The following AGBL4 variants were observed in gnomAD, a reference collection of about 807,000 sequenced individuals.
The protein encoded by AGBL4 is AGBL carboxypeptidase 4, also known as cytosolic carboxypeptidase 6.
Under a neutral mutation model 66.4 loss-of-function variants are expected in AGBL4, and 58 were observed. The ratio of observed to expected loss-of-function variants is 0.87; its 90% CI spans 0.71 to 1.09. The LOEUF (loss-of-function observed/expected upper bound fraction) is 1.09. Among genes scored for constraint, AGBL4 ranks in the 50% least tolerant of loss-of-function variants. The pLI, the probability that AGBL4 is intolerant of heterozygous loss-of-function variation, is 0.00. For missense variants in AGBL4, 579 were observed against 631.0 expected (o/e 0.92, Z 0.88); for synonymous variants, 234 against 222.9 (o/e 1.05, Z -0.44).
intron 1 of AGBL4, among the ~76,000 whole-genome samples, chr1:50,006,359 T>TAG (rs902328565): frequency 2.2e-5 from 3 of 135,694 alleles, no homozygotes; most frequent in African/African-American, 8.3e-5. Flanking sequence ...AAAAAGGAGG[T>TAG]AGAGAGAGAG....
At chr1:49,369,573 A>G (rs1287587229) in intron 3 of AGBL4, among the ~76,000 whole-genome samples, 1 of 152,182 alleles carries the variant, frequency 6.6e-6, no homozygotes, top group Admixed American at 6.5e-5. Context: ...AGGTGAATCA[A>G]GTGGATTTGG....
At chr1:48,763,349 T>C (rs1381656357) in intron 6 of AGBL4, among the ~76,000 whole-genome samples, 1 of 152,158 alleles carries the variant, frequency 6.6e-6, no homozygotes, top group Non-Finnish European at 1.5e-5. Context: ...GACTCAGGGT[T>C]TTCTAAAAGA....
intron 5 of AGBL4, among the ~76,000 whole-genome samples, chr1:48,946,283 G>T (rs959699870): frequency 3.3e-5 from 5 of 152,190 alleles, no homozygotes; most frequent in African/African-American, 1.2e-4. Context: ...TACAGGGGCT[G>T]CCCTATGACC....
intron 4 of AGBL4, among the ~76,000 whole-genome samples, chr1:49,238,813 G>C (rs1383954576): frequency 6.6e-6 from 1 of 152,058 alleles, no homozygotes; most frequent in Non-Finnish European, 1.5e-5. Context: ...TTATTTGTCT[G>C]TACCTGTGGC....
chr1:49,618,509 C>T (rs1645294586), intron 3 of AGBL4, among the ~76,000 whole-genome samples: 1 of 152,086 alleles, frequency 6.6e-6, no homozygotes, highest in Non-Finnish European at 1.5e-5. Flanking sequence ...CAGGACCAGA[C>T]AGATTCACAG....
At chr1:48,851,513 G>T (rs17104994) in intron 6 of AGBL4, among the ~76,000 whole-genome samples, 4,827 of 152,242 alleles carry the variant, frequency 0.032, 266 homozygotes, top group African/African-American at 0.11. Context: ...CCTATGCACC[G>T]TCTAAGGCTG....
At chr1:49,846,188 C>T in intron 2 of AGBL4, 1 of 1,457,252 alleles carries the variant, frequency 6.9e-7, no homozygotes, top group South Asian at 1.1e-5. Context: ...ATCCTTCAAC[C>T]ACAGCTCCTC....
At chr1:49,165,606 A>G (rs1434583833) in intron 4 of AGBL4, among the ~76,000 whole-genome samples, 1 of 151,850 alleles carries the variant, frequency 6.6e-6, no homozygotes, top group Non-Finnish European at 1.5e-5. Context: ...AAGAAATGAG[A>G]AAAATGGTAC....
chr1:49,295,733 G>C (rs988051637), intron 3 of AGBL4, among the ~76,000 whole-genome samples: 8 of 152,122 alleles, frequency 5.3e-5, no homozygotes, highest in Admixed American at 6.5e-5. Context: ...AAATGCCCAA[G>C]TGTAGCACTT....
chr1:49,523,635 C>T lies in AGBL4; in HGVS notation c.282+173678G>A, dbSNP rs143617913. ...CTATATTCTGAAAAGACCCTTAACA[C>T]GTGACGTAAGGTTGATTTTAATCCT... On this transcript the variant is annotated intron_variant, in intron 3 of 13. Transcript: ENST00000371839. 3.3e-5 allele frequency among the ~76,000 whole-genome samples: 5 copies of T among 152,136 alleles called. 1 individual carries two copies. The highest frequency in any genetic ancestry group is 7.2e-5 in the African/African-American group (3 of 41,546).
intron 5 of AGBL4, among the ~76,000 whole-genome samples, chr1:48,997,345 G>A (rs1661095028): frequency 6.6e-6 from 1 of 152,186 alleles, no homozygotes; most frequent in African/African-American, 2.4e-5. Context: ...CTAACAAAAG[G>A]AAAGGCAGGG....
intron 9 of AGBL4, among the ~76,000 whole-genome samples, chr1:48,625,969 C>T (rs577748610): frequency 8.5e-5 from 13 of 152,300 alleles, no homozygotes; most frequent in Admixed American, 5.9e-4. Context: ...TAAACCATCT[C>T]GAACTGCTGT....
At chr1:49,516,988 A>G (rs1055285632) in intron 3 of AGBL4, among the ~76,000 whole-genome samples, 7 of 152,018 alleles carry the variant, frequency 4.6e-5, no homozygotes, top group African/African-American at 2.4e-5. Flanking sequence ...GCCATACTTC[A>G]ACAGATTCCG....
intron 1 of AGBL4, among the ~76,000 whole-genome samples, chr1:49,863,013 T>C (rs1646612304): frequency 6.6e-6 from 1 of 152,076 alleles, no homozygotes; most frequent in African/African-American, 2.4e-5. Flanking sequence ...TATTTTAACA[T>C]TATAACATAG....
chr1:49,571,891 A>G (rs1644338759), intron 3 of AGBL4, among the ~76,000 whole-genome samples: 1 of 152,080 alleles, frequency 6.6e-6, no homozygotes, highest in African/African-American at 2.4e-5. Context: ...CAAATGTTGA[A>G]CCATTCTTGC....
chr1:49,720,061 T>A (rs1483317416), intron 2 of AGBL4, among the ~76,000 whole-genome samples: 1 of 152,116 alleles, frequency 6.6e-6, no homozygotes, highest in African/African-American at 2.4e-5. Flanking sequence ...TGTTATTTCA[T>A]GAATATCCTA....
At chr1:49,000,861 A>G (rs1277475654) in intron 5 of AGBL4, among the ~76,000 whole-genome samples, 34 of 152,186 alleles carry the variant, frequency 2.2e-4, no homozygotes, top group African/African-American at 2.4e-5. Context: ...CTAAGAACAG[A>G]GCAATTATGA....
At chr1:49,808,709 A>C (rs558769264) in intron 2 of AGBL4, among the ~76,000 whole-genome samples, 23 of 152,290 alleles carry the variant, frequency 1.5e-4, no homozygotes, top group Admixed American at 5.2e-4. Context: ...AGCACGTTGA[A>C]TATATCAGAA....
chr1:49,755,002 T>C lies in AGBL4; in HGVS notation c.158-57565A>G, dbSNP rs563429520. Among the ~76,000 whole-genome samples, 14 of 152,332 alleles carry C rather than the reference T, an allele frequency of 9.2e-5. No homozygotes were observed. In the South Asian group the frequency reaches 2.1e-3, roughly 23 times the overall value. ...TTTGAATAAGCCCCACACCATACTG[T>C]AGATGGTAATCTGCTTTACTCCAAG... is the stretch of plus-strand genomic sequence containing the variant. On this transcript the variant is annotated intron_variant, in intron 2 of 13. Coordinates refer to ENST00000371839, the MANE Select transcript of AGBL4 (RefSeq NM_032785.4).
Sources: gnomAD v4.1 joint callset for allele counts (sites outside exome capture counted in the v4.1 genomes callset) on GRCh38, gnomAD v4.1.1 for gene constraint, MANE v1.5 for transcripts, NCBI Gene and HGNC (gene_info 2026-07-23, HGNC 2026-07-21) for gene names.